Variants in BTBD9 observed in about 807,000 individuals in gnomAD.
BTBD9 encodes the protein BTB domain containing 9.
BTBD9 carries 49 observed loss-of-function variants against 64.3 expected under a neutral mutation model. That is an observed-to-expected ratio of 0.76 (90% CI 0.61 to 0.97). BTBD9 has a LOEUF of 0.97. BTBD9 is among the 50% of genes least tolerant of loss of function. The pLI is 0.00. For synonymous variants in BTBD9, 260 were observed against 274.7 expected (o/e 0.95, Z 0.53); for missense variants, 598 against 762.1 (o/e 0.78, Z 2.53).
At chr6:38,345,799 C>A (rs1764256157) in intron 6 of BTBD9, among the ~76,000 whole-genome samples, 1 of 152,216 alleles carries the variant, frequency 6.6e-6, no homozygotes, top group Non-Finnish European at 1.5e-5. Flanking sequence ...CACTGGGCAG[C>A]CCTTGAGCAT....
At chr6:38,313,750 T>TC (rs1473602015) in intron 7 of BTBD9, among the ~76,000 whole-genome samples, 49 of 147,294 alleles carry the variant, frequency 3.3e-4, no homozygotes, top group African/African-American at 1.2e-3. Flanking sequence ...GAATTATCTT[T>TC]TTTTTTTTTT....
intron 1 of BTBD9, among the ~76,000 whole-genome samples, chr6:38,602,554 TA>T (rs1562405684): frequency 6.6e-6 from 1 of 152,096 alleles, no homozygotes; most frequent in South Asian, 2.1e-4. Context: ...GTTAAGTCAC[TA>T]GACTGGGGCT....
chr6:38,566,597 C>G (rs1775527471), intron 6 of BTBD9, among the ~76,000 whole-genome samples: 1 of 152,110 alleles, frequency 6.6e-6, no homozygotes, highest in African/African-American at 2.4e-5. Flanking sequence ...AGTTCCCCAA[C>G]AAAGAAAAGT....
intron 8 of BTBD9, among the ~76,000 whole-genome samples, chr6:38,285,197 A>G (rs1397456193): frequency 6.6e-6 from 1 of 152,162 alleles, no homozygotes; most frequent in Non-Finnish European, 1.5e-5. Context: ...GAGGTCTGGA[A>G]GATTGGGTAG....
At chr6:38,296,905 T>A (rs1762174128) in intron 7 of BTBD9, among the ~76,000 whole-genome samples, 1 of 152,228 alleles carries the variant, frequency 6.6e-6, no homozygotes, top group Non-Finnish European at 1.5e-5. Context: ...AGATTTACTT[T>A]GTGGTCTAGT....
intron 6 of BTBD9, among the ~76,000 whole-genome samples, chr6:38,424,241 C>A (rs888186111): frequency 1.3e-5 from 2 of 151,904 alleles, no homozygotes; most frequent in African/African-American, 4.9e-5. Flanking sequence ...TTTAAAGAAA[C>A]TTCAGGTATC....
chr6:38,507,399 C>A (rs951606134), intron 6 of BTBD9, among the ~76,000 whole-genome samples: 1 of 152,180 alleles, frequency 6.6e-6, no homozygotes, highest in Non-Finnish European at 1.5e-5. Flanking sequence ...CCCCTCCACT[C>A]CCAGCTACCA....
At chr6:38,414,085 G>T (rs972551242) in intron 6 of BTBD9, among the ~76,000 whole-genome samples, 7 of 152,122 alleles carry the variant, frequency 4.6e-5, no homozygotes, top group Non-Finnish European at 1.0e-4. Flanking sequence ...AAGTTTCACA[G>T]AAGTTTAGGT....
rs1361056666 is a variant in BTBD9, at chr6:38,556,261, A to G, written c.1154+21339T>C. Among the ~76,000 whole-genome samples, 4 of 152,174 alleles carry G rather than the reference A, an allele frequency of 2.6e-5. No individual in the cohort carries two copies. In the East Asian group the frequency reaches 7.7e-4, roughly 29 times the overall value. On this transcript the variant is annotated intron_variant, in intron 6 of 10. Coordinates refer to ENST00000481247, the MANE Select transcript of BTBD9 (RefSeq NM_001099272.2). ...TGGCCTATCATCATAGTATAAATAGACTAAATAAAATGATAACTAGTATGC... is the reference window on the plus strand; with the variant it reads ...TGGCCTATCATCATAGTATAAATAGGCTAAATAAAATGATAACTAGTATGC...
intron 9 of BTBD9, among the ~76,000 whole-genome samples, chr6:38,229,679 C>T (rs925911805): frequency 6.6e-6 from 1 of 152,224 alleles, no homozygotes; most frequent in Admixed American, 6.5e-5. Flanking sequence ...ATCAAAACCA[C>T]AGTTCTTTTT....
At chr6:38,611,570 G>C (rs1024184870) in intron 1 of BTBD9, among the ~76,000 whole-genome samples, 1 of 152,130 alleles carries the variant, frequency 6.6e-6, no homozygotes, top group African/African-American at 2.4e-5. Context: ...CTAAATATGT[G>C]TCCAAATGCA....
At chr6:38,560,366 C>T (rs145894801) in intron 6 of BTBD9, among the ~76,000 whole-genome samples, 51 of 152,204 alleles carry the variant, frequency 3.4e-4, no homozygotes, top group Non-Finnish European at 5.3e-4. Flanking sequence ...AATGCGATAC[C>T]ATCTCACATT....
intron 6 of BTBD9, among the ~76,000 whole-genome samples, chr6:38,504,896 A>G (rs1352491311): frequency 6.6e-6 from 1 of 152,220 alleles, no homozygotes; most frequent in Non-Finnish European, 1.5e-5. Context: ...CTATGGCTCT[A>G]CTTCCTTTCA....
chr6:38,340,840 A>T (rs1253569685), intron 7 of BTBD9, among the ~76,000 whole-genome samples: 1 of 152,196 alleles, frequency 6.6e-6, no homozygotes, highest in African/African-American at 2.4e-5. Flanking sequence ...ACAGAGAGAC[A>T]ACTAGAGGTT....
rs190177665 is a variant in BTBD9 at position 38,431,193 on chromosome 6, C to T, written c.1155-86100G>A. On this transcript the variant is annotated intron_variant, in intron 6 of 10. Transcript: ENST00000481247. The stretch of plus-strand genomic sequence containing the variant: ...TAACTCTCAAAGTTTATCTCCAGTC[C>T]TGATTTCTCTCCTGAGTTCCAGACT... Among the ~76,000 whole-genome samples the T allele has an allele frequency of 8.2e-4, 124 of 151,976 alleles. 5 individuals carry two copies. The highest frequency in any genetic ancestry group is 3.0e-3 in the African/African-American group (122 of 41,286).
intron 8 of BTBD9, among the ~76,000 whole-genome samples, chr6:38,287,210 C>T (rs557567704): frequency 2.0e-5 from 3 of 151,480 alleles, no homozygotes; most frequent in East Asian, 1.9e-4. Context: ...CCTTCACATT[C>T]ACCCATCACT....
At chr6:38,409,501 T>C (rs1346198639) in intron 6 of BTBD9, among the ~76,000 whole-genome samples, 1 of 152,166 alleles carries the variant, frequency 6.6e-6, no homozygotes, top group Non-Finnish European at 1.5e-5. Flanking sequence ...TGTTTACTGA[T>C]TAAGAATTTC....
At chr6:38,404,251 A>G (rs1767069851) in intron 6 of BTBD9, among the ~76,000 whole-genome samples, 1 of 152,242 alleles carries the variant, frequency 6.6e-6, no homozygotes, top group African/African-American at 2.4e-5. Flanking sequence ...TTAAAATTCC[A>G]AAATAAGCCG....
chr6:38,207,069 G>A (rs1446274363), intron 9 of BTBD9, among the ~76,000 whole-genome samples: 2 of 152,190 alleles, frequency 1.3e-5, no homozygotes, highest in South Asian at 2.1e-4. Context: ...GCAGCATAGG[G>A]AAGAAGAATA....
Sources: gnomAD v4.1 joint callset for allele counts (sites outside exome capture counted in the v4.1 genomes callset) on GRCh38, gnomAD v4.1.1 for gene constraint, MANE v1.5 for transcripts, NCBI Gene and HGNC (gene_info 2026-07-23, HGNC 2026-07-21) for gene names.